Variants in SVIL observed in about 807,000 individuals in gnomAD.
SVIL encodes archvillin.
A neutral mutation model predicts 240.4 loss-of-function variants in SVIL; 101 were observed. That is an observed-to-expected ratio of 0.42 (90% CI 0.36 to 0.50). The LOEUF (loss-of-function observed/expected upper bound fraction) is 0.50. SVIL is among the 20% of genes least tolerant of loss of function. The pLI is 0.01. For missense variants in SVIL, 2,512 were observed against 2,818.7 expected, an observed-to-expected ratio of 0.89 and a Z score of 2.46; for synonymous variants, 999 against 1,100.0, an observed-to-expected ratio of 0.91 and a Z score of 1.82.
chr10:29,701,291 G>A (rs1340394262), intron 1 of SVIL, among the ~76,000 whole-genome samples: 2 of 152,128 alleles, frequency 1.3e-5, no homozygotes, highest in African/African-American at 4.8e-5. Context: ...AGCTGGAAAA[G>A]CTTCCAGGGG....
intron 7 of SVIL, among the ~76,000 whole-genome samples, chr10:29,535,314 G>A (rs1951664960): frequency 6.6e-6 from 1 of 152,104 alleles, no homozygotes; most frequent in African/African-American, 2.4e-5. Flanking sequence ...AGACTGAAGC[G>A]CGGTTCCAGT....
At chr10:29,544,575 T>C (rs1290663687) in intron 6 of SVIL, among the ~76,000 whole-genome samples, 1 of 151,862 alleles carries the variant, frequency 6.6e-6, no homozygotes, top group Non-Finnish European at 1.5e-5. Flanking sequence ...GGCAACATTG[T>C]GAAACCCCAT....
chr10:29,679,564 T>G (rs1027117281), intron 2 of SVIL, among the ~76,000 whole-genome samples: 2 of 151,206 alleles, frequency 1.3e-5, no homozygotes, highest in Non-Finnish European at 3.0e-5. Flanking sequence ...TTTTCCTTTT[T>G]TTTTTTTGAG....
Position 29,581,451 on chromosome 10 carries a change from A to C in SVIL, c.-200-12139T>G, listed in dbSNP as rs555133827. Among the ~76,000 whole-genome samples, 9 of 152,354 alleles carry C rather than the reference A, an allele frequency of 5.9e-5. No individual in the cohort carries two copies. The East Asian group carries it at 1.5e-3, about 26-fold the overall frequency. ...GCGTGCAAATAAAATGTTGCATTAC[A>C]TCACTGCATAAGGTAATTTGAAACA... On this transcript the variant is annotated intron_variant, in intron 1 of 37. Transcript: ENST00000355867.
chr10:29,701,041 A>G (rs1351448911), intron 1 of SVIL, among the ~76,000 whole-genome samples: 1 of 152,144 alleles, frequency 6.6e-6, no homozygotes, highest in Non-Finnish European at 1.5e-5. Flanking sequence ...GTGTGCACAC[A>G]GGTATGGATC....
chr10:29,471,257 C>A lies in SVIL; in HGVS notation c.5530-14G>T. On this transcript the variant is annotated splice_polypyrimidine_tract_variant and intron_variant, in intron 30 of 37. Transcript: ENST00000355867. ...GAGAACCTGGACCTTCCGATTTAAACAGAGGTAAATAGGTAAGGGGCGCGG... is the reference window on the plus strand; with the variant it reads ...GAGAACCTGGACCTTCCGATTTAAAAAGAGGTAAATAGGTAAGGGGCGCGG... The A allele has an allele frequency of 6.2e-7, 1 of 1,601,666 alleles. No individual in the cohort carries two copies. The highest frequency in any genetic ancestry group is 8.5e-7 in the Non-Finnish European group (1 of 1,170,826).
intron 2 of SVIL, chr10:29,670,921 G>C (rs552972078): frequency 6.6e-6 from 1 of 152,274 alleles, no homozygotes; most frequent in South Asian, 2.1e-4. Flanking sequence ...TGGCTAACAT[G>C]TGCTTCTTCC....
intron 17 of SVIL, among the ~76,000 whole-genome samples, chr10:29,506,809 G>A (rs908671584): frequency 3.3e-5 from 5 of 151,374 alleles, no homozygotes; most frequent in Admixed American, 3.3e-4. Flanking sequence ...AGGGGACAGA[G>A]GGCCTACAGG....
At chr10:29,602,009 C>T (rs1047783525) in intron 1 of SVIL, among the ~76,000 whole-genome samples, 2 of 152,114 alleles carry the variant, frequency 1.3e-5, no homozygotes, top group Non-Finnish European at 2.9e-5. Context: ...ACCACCAGTT[C>T]GATTTAGCTA....
intron 6 of SVIL, among the ~76,000 whole-genome samples, chr10:29,548,232 T>C (rs1325577565): frequency 6.6e-6 from 1 of 152,166 alleles, no homozygotes; most frequent in Non-Finnish European, 1.5e-5. Context: ...GATGACCAGG[T>C]GTGCACCCCT....
intron 1 of SVIL, among the ~76,000 whole-genome samples, chr10:29,596,478 G>GA (rs200846142): frequency 0.041 from 6,261 of 151,340 alleles, 228 homozygotes; most frequent in South Asian, 0.14. Context: ...GTCTGTAAAA[G>GA]AAAAAAAAAT....
chr10:29,542,749 G>T (rs1952279100), intron 6 of SVIL, among the ~76,000 whole-genome samples: 1 of 152,192 alleles, frequency 6.6e-6, no homozygotes, highest in Non-Finnish European at 1.5e-5. Flanking sequence ...CTAACACAAA[G>T]CAGGTCTTAT....
At position 29,487,568 on chromosome 10, in the gene SVIL, C is replaced by G. The variant is rs1417060130; in HGVS notation, c.4349-269G>C. 8.2e-6 allele frequency: 3 copies of G among 364,200 alleles called. No individual in the cohort carries two copies. The Admixed American group carries it at 1.3e-4, about 16-fold the overall frequency. The allele number at this position is 364,200 out of a possible 1,614,324, so 22.6% of individuals were successfully genotyped here. A position where few individuals can be genotyped will look rare whatever the true frequency, so the allele number is the denominator to read the frequency against. ...CATGTGCGTGGGTTAATGAAGGCTC[C>G]CCCTTCCAGGGAGATGAGCACACAG... On this transcript the variant is annotated intron_variant, in intron 23 of 37. Coordinates refer to ENST00000355867, the MANE Select transcript of SVIL (RefSeq NM_021738.3).
rs1949956505 is a variant in SVIL, at chr10:29,512,984, AT to A, written c.3390-124del. The A allele has an allele frequency of 2.9e-6, 4 of 1,362,296 alleles. No homozygotes were observed. In the Admixed American group the frequency reaches 7.2e-5, roughly 24 times the overall value. 84.4% of individuals were successfully genotyped at this position (1,362,296 alleles called of 1,614,324 possible). A position where few individuals can be genotyped will look rare whatever the true frequency, so the allele number is the denominator to read the frequency against. ...ATGACCACAGCCGCCTCGTTTTAAC[AT>A]TTTGAATTTCATTTATTCGGAAGAC... On this transcript the variant is annotated intron_variant, in intron 16 of 37. Coordinates refer to ENST00000355867, the MANE Select transcript of SVIL (RefSeq NM_021738.3).
chr10:29,575,882 T>C (rs1955673108), intron 1 of SVIL, among the ~76,000 whole-genome samples: 1 of 152,190 alleles, frequency 6.6e-6, no homozygotes, highest in African/African-American at 2.4e-5. Flanking sequence ...CATTGGAATT[T>C]TGCTCAATGC....
chr10:29,631,217 G>A (rs568411482), intron 1 of SVIL, among the ~76,000 whole-genome samples: 1 of 152,252 alleles, frequency 6.6e-6, no homozygotes, highest in Non-Finnish European at 1.5e-5. Context: ...AGTGAGGAAC[G>A]ATGAGGGTTT....
At chr10:29,691,835 C>T (rs1265936461) in intron 1 of SVIL, among the ~76,000 whole-genome samples, 3 of 152,212 alleles carry the variant, frequency 2.0e-5, no homozygotes, top group Non-Finnish European at 4.4e-5. Flanking sequence ...CGAATTATCT[C>T]ACCACTGTTG....
chr10:29,582,235 T>A (rs1236400923), intron 1 of SVIL, among the ~76,000 whole-genome samples: 5 of 152,182 alleles, frequency 3.3e-5, no homozygotes, highest in Non-Finnish European at 5.9e-5. Context: ...TATATTTCAG[T>A]GCAATCTACA....
intron 13 of SVIL, 117 bp downstream of exon 13, chr10:29,526,844 C>T (rs1950954454): frequency 2.3e-6 from 2 of 852,738 alleles, no homozygotes; most frequent in East Asian, 6.0e-5. Flanking sequence ...CATTCTGGAA[C>T]AACTCACGGC....
Sources: allele counts gnomAD v4.1 joint callset (sites outside exome capture counted in the v4.1 genomes callset), GRCh38; gene constraint gnomAD v4.1.1; transcripts MANE v1.5; gene names NCBI Gene and HGNC (gene_info 2026-07-23, HGNC 2026-07-21).